The following SPACA9 variants were observed in gnomAD, a reference collection of about 807,000 sequenced individuals.
SPACA9 encodes the protein sperm acrosome associated 9, also known as sperm acrosome-associated protein 9.
In SPACA9, 14 loss-of-function variants were observed where a neutral mutation model predicts 12.5. That is an observed-to-expected ratio of 1.12 (90% confidence interval 0.74 to 1.75). SPACA9 has a LOEUF of 1.75. Ranked by LOEUF, SPACA9 falls within the 40% of genes most tolerant of loss-of-function variation. SPACA9 has a pLI of 0.00. For synonymous variants in SPACA9, 111 were observed against 114.1 expected (o/e 0.97, Z 0.17); for missense variants, 292 against 291.9 (o/e 1.00, Z 0.00).
chr9:132,878,531 C>G (rs769688344), upstream of SPACA9: 49 of 1,179,962 alleles, frequency 4.2e-5, no homozygotes, highest in Non-Finnish European at 4.9e-5. This position sits in a 1 kb window ranked among gnomAD's most constrained non-coding sequence, Gnocchi z 4.7. Context: ...CTCCTCGTAT[C>G]TGAGACCCCC....
chr9:132,886,022 C>G (rs559850144), intron 2 of SPACA9, among the ~76,000 whole-genome samples: 2 of 152,216 alleles, frequency 1.3e-5, no homozygotes, highest in Non-Finnish European at 2.9e-5. Context: ...CTCCCCCTTA[C>G]GAAGCTGCTT....
intron 1 of SPACA9, among the ~76,000 whole-genome samples, chr9:132,881,288 A>G (rs1844420801): frequency 6.9e-6 from 1 of 144,438 alleles, no homozygotes; most frequent in Non-Finnish European, 1.5e-5. Flanking sequence ...AAAAAAAGAA[A>G]AAAAAGAAGA....
intron 2 of SPACA9, among the ~76,000 whole-genome samples, chr9:132,886,037 A>C (rs578159257): frequency 4.6e-5 from 7 of 152,344 alleles, no homozygotes; most frequent in Admixed American, 2.0e-4. Flanking sequence ...CTGCTTGTGC[A>C]TGGCAGTCCT....
At chr9:132,878,631 C>A, upstream of SPACA9, 1 of 1,045,964 alleles carries the variant, frequency 9.6e-7, no homozygotes, top group Non-Finnish European at 1.2e-6. The surrounding 1 kb of genome is among the most constrained non-coding windows in gnomAD (Gnocchi z 4.7). Flanking sequence ...GGCCCGGCTC[C>A]CTGTGCCTCA....
At chr9:132,880,228 A>G (rs1415982838) in intron 1 of SPACA9, among the ~76,000 whole-genome samples, 1 of 152,184 alleles carries the variant, frequency 6.6e-6, no homozygotes, top group African/African-American at 2.4e-5. Context: ...ATACAAATCA[A>G]TTAAAGCCTA....
chr9:132,884,677 G>T (rs1844516149), intron 2 of SPACA9, among the ~76,000 whole-genome samples: 1 of 112,080 alleles, frequency 8.9e-6, no homozygotes, highest in Non-Finnish European at 2.0e-5. Context: ...ACACACACAG[G>T]CCGGCCCTTC....
At chr9:132,880,901 C>T (rs1588260463) in intron 1 of SPACA9, among the ~76,000 whole-genome samples, 1 of 150,876 alleles carries the variant, frequency 6.6e-6, no homozygotes, top group Middle Eastern at 3.4e-3. Context: ...CGGCTCACTG[C>T]AAGCTCCGCC....
chr9:132,889,751 C>G lies in SPACA9; in HGVS notation c.*1140C>G, dbSNP rs1234019464. On this transcript the variant is annotated 3_prime_UTR_variant, in exon 4 of 4. Transcript: ENST00000356311. ...GTGTGTTTAGTTCTCTGGACCACAG[C>G]CAAAGGGGAATAAACTCACCTTTCC... 7.9e-7 allele frequency: 1 copy of G among 1,260,690 alleles called. No homozygotes were observed. Among genetic ancestry groups the G allele is most frequent in the Non-Finnish European group, 1.0e-6 (1 of 990,200 alleles). 78.1% of individuals were successfully genotyped at this position (1,260,690 alleles called of 1,614,324 possible).
In SPACA9 at chr9:132,889,879, C is replaced by T. The variant is rs1321884150; in HGVS notation, c.*1268C>T. 6 of 1,405,318 alleles carry T rather than the reference C, an allele frequency of 4.3e-6. No homozygotes were observed. In the Admixed American group the frequency reaches 1.5e-4, roughly 36 times the overall value. 87.1% of individuals were successfully genotyped at this position (1,405,318 alleles called of 1,614,324 possible). A position where few individuals can be genotyped will look rare whatever the true frequency, so the allele number is the denominator to read the frequency against. ...CCTGGTTTTCACAGCGTAGTCGAAC[C>T]CCAAACATTGTAAAATGTGTCCCTG... On this transcript the variant is annotated 3_prime_UTR_variant, in exon 4 of 4. Coordinates refer to ENST00000356311, the MANE Select transcript of SPACA9 (RefSeq NM_001316897.2).
At position 132,884,023 on chromosome 9, in the gene SPACA9, A is replaced by G. The variant is rs759940548; in HGVS notation, c.76A>G (p.Thr26Ala). 6.2e-7 allele frequency: 1 copy of G among 1,613,722 alleles called. No individual in the cohort carries two copies. Among genetic ancestry groups the G allele is most frequent in the Non-Finnish European group, 8.5e-7 (1 of 1,179,998 alleles). The change falls in exon 2 of 4, where the codon ACC (threonine) becomes GCC (alanine). Residue 26 changes from threonine (T) to alanine (A), a missense_variant. Physicochemically the swap from Thr to Ala is moderately conservative, Grantham distance 58. Coordinates refer to ENST00000356311, the MANE Select transcript of SPACA9 (RefSeq NM_001316897.2). The part of the protein sequence containing the change: ...KLFQQQQLTF[T>A]AALEHCRENA... ...CTTCCAGCAGCAGCAGCTCACCTTC[A>G]CCGCCGCTCTGGAGCACTGCAGGGA...
At position 132,883,994 on chromosome 9, in the gene SPACA9, A is replaced by G. The variant is rs772535812; in HGVS notation, c.47A>G (p.Lys16Arg). 3 of 1,614,174 alleles carry G rather than the reference A, an allele frequency of 1.9e-6. No individual in the cohort carries two copies. The highest frequency in any genetic ancestry group is 1.1e-5 in the South Asian group (1 of 91,082). Residue 16 changes from lysine (K) to arginine (R), a missense_variant, in exon 2 of 4, where the codon AAG becomes AGG. Transcript: ENST00000356311. ...ESLRSIEQKY[K>R]LFQQQQLTFT... ...CTTCGCAGCATCGAGCAGAAGTACA[A>G]GCTCTTCCAGCAGCAGCAGCTCACC... is the stretch of plus-strand genomic sequence containing the variant.
chr9:132,879,549 G>A (rs1844324776), intron 1 of SPACA9, among the ~76,000 whole-genome samples: 1 of 152,194 alleles, frequency 6.6e-6, no homozygotes, highest in Non-Finnish European at 1.5e-5. Flanking sequence ...CACAATATAT[G>A]GGGCTACTAT....
chr9:132,887,657 T>C lies in SPACA9; in HGVS notation c.347+86T>C, dbSNP rs1020925135. On this transcript the variant is annotated intron_variant, in intron 3 of 3. Coordinates refer to ENST00000356311, the MANE Select transcript of SPACA9 (RefSeq NM_001316897.2). The surrounding 1 kb of genome is among the most constrained non-coding windows in gnomAD (Gnocchi z 5.4). ...TGCTTCTTTCCTGTTGCCTGGATCA[T>C]GGTGCTCCTATTAGACCACCCCGGG... 2.5e-6 allele frequency: 3 copies of C among 1,214,568 alleles called. No homozygotes were observed. Among genetic ancestry groups the C allele is most frequent in the Non-Finnish European group, 2.4e-6 (2 of 834,040 alleles). 75.2% of individuals were successfully genotyped at this position (1,214,568 alleles called of 1,614,324 possible).
chr9:132,878,794 T>A (rs1388893193), upstream of SPACA9: 2 of 984,764 alleles, frequency 2.0e-6, no homozygotes, highest in Non-Finnish European at 2.4e-6. This position sits in a 1 kb window ranked among gnomAD's most constrained non-coding sequence, Gnocchi z 4.7. Flanking sequence ...CCCTCCCAGC[T>A]CCCCGGCTCT....
chr9:132,878,459 G>A, upstream of SPACA9: 4 of 1,222,852 alleles, frequency 3.3e-6, no homozygotes, highest in Middle Eastern at 3.2e-4. This position sits in a 1 kb window ranked among gnomAD's most constrained non-coding sequence, Gnocchi z 4.7. Flanking sequence ...CCCAACCCCG[G>A]CCTCGCTTTT....
intron 1 of SPACA9, among the ~76,000 whole-genome samples, chr9:132,880,932 C>G (rs1441168143): frequency 6.6e-6 from 1 of 151,466 alleles, no homozygotes; most frequent in African/African-American, 2.4e-5. Flanking sequence ...ACGCCATTCT[C>G]CTGCCTCAGC....
chr9:132,884,131 G>GCC, intron 2 of SPACA9, 40 bp downstream of exon 2: 2 of 1,595,704 alleles, frequency 1.3e-6, no homozygotes. Context: ...GGGGCAACAA[G>GCC]CCCAGTCCCC....
Position 132,884,001 on chromosome 9 carries a change from C to G in SPACA9, c.54C>G (p.Phe18Leu), listed in dbSNP as rs1564457473. The G allele has an allele frequency of 6.2e-7, 1 of 1,614,178 alleles. No individual in the cohort carries two copies. The highest frequency in any genetic ancestry group is 1.1e-5 in the South Asian group (1 of 91,078). The change falls in exon 2 of 4, where the codon TTC (phenylalanine) becomes TTG (leucine). Residue 18 changes from phenylalanine (F) to leucine (L), a missense_variant. Coordinates refer to ENST00000356311, the MANE Select transcript of SPACA9 (RefSeq NM_001316897.2). ...GCATCGAGCAGAAGTACAAGCTCTT[C>G]CAGCAGCAGCAGCTCACCTTCACCG... The part of the protein sequence containing the change: ...LRSIEQKYKL[F>L]QQQQLTFTAA...
rs1294449506 is a variant in SPACA9 at position 132,889,463 on chromosome 9, G to A, written c.*852G>A. On this transcript the variant is annotated 3_prime_UTR_variant, in exon 4 of 4. Coordinates refer to ENST00000356311, the MANE Select transcript of SPACA9 (RefSeq NM_001316897.2). Reference sequence around the variant, plus strand: ...ACTCTGTCTCCCAGGCTGGAGTGCAGTGGCACGATCTTGGCTCACTGCAAC... The same window carrying A: ...ACTCTGTCTCCCAGGCTGGAGTGCAATGGCACGATCTTGGCTCACTGCAAC... The A allele has an allele frequency of 1.5e-5, 14 of 958,076 alleles. No homozygotes were observed. Among genetic ancestry groups the A allele is most frequent in the Admixed American group, 6.2e-5 (1 of 16,234 alleles). The allele number at this position is 958,076 out of a possible 1,614,324, so 59.3% of individuals were successfully genotyped here.
Sources: gnomAD v4.1 joint callset for allele counts (sites outside exome capture counted in the v4.1 genomes callset) on GRCh38, gnomAD v4.1.1 for gene constraint, Gnocchi (gnomAD v3.1) non-coding constraint, MANE v1.5 for transcripts, NCBI Gene and HGNC (gene_info 2026-07-23, HGNC 2026-07-21) for gene names.